MSRA: variants seen among roughly 807,000 people sequenced by gnomAD.
MSRA encodes the protein mitochondrial peptide methionine sulfoxide reductase.
In MSRA, 54 loss-of-function variants were observed where a neutral mutation model predicts 31.3. That is an observed-to-expected ratio of 1.73 (90% CI 1.39 to 2.17). The LOEUF (loss-of-function observed/expected upper bound fraction) is 2.17. Among genes scored for constraint, MSRA ranks in the 30% most tolerant of loss-of-function variants. MSRA has a pLI of 0.00. For synonymous variants in MSRA, 169 were observed against 116.5 expected (o/e 1.45, Z -2.90); for missense variants, 507 against 300.9 (o/e 1.69, Z -5.07).
intron 1 of MSRA, among the ~76,000 whole-genome samples, chr8:10,172,689 C>T (rs1466964439): frequency 6.6e-6 from 1 of 151,952 alleles, no homozygotes; most frequent in Non-Finnish European, 1.5e-5. Context: ...AATCTAGGGC[C>T]CAAAGTCTCC....
chr8:10,222,270 T>A (rs1585205052), intron 2 of MSRA, among the ~76,000 whole-genome samples: 1 of 152,178 alleles, frequency 6.6e-6, no homozygotes, highest in Non-Finnish European at 1.5e-5. Flanking sequence ...TCAAATGCCA[T>A]ATTTTCATAG....
At chr8:10,349,584 C>T (rs1266332312) in intron 5 of MSRA, among the ~76,000 whole-genome samples, 1 of 152,226 alleles carries the variant, frequency 6.6e-6, no homozygotes, top group East Asian at 1.9e-4. Context: ...CTCTGTTCCC[C>T]TCTGGGAGCC....
chr8:10,276,184 C>G (rs908373682), intron 3 of MSRA, among the ~76,000 whole-genome samples: 1 of 152,226 alleles, frequency 6.6e-6, no homozygotes, highest in African/African-American at 2.4e-5. Flanking sequence ...TTACCTTTCT[C>G]TAATCAGCAG....
intron 1 of MSRA, among the ~76,000 whole-genome samples, chr8:10,066,972 C>T (rs903200629): frequency 1.3e-5 from 2 of 151,484 alleles, no homozygotes; most frequent in African/African-American, 2.4e-5. Flanking sequence ...CCCCTGTTAA[C>T]GTCTTGCTTT....
chr8:10,373,532 C>T (rs1451649172), intron 5 of MSRA, among the ~76,000 whole-genome samples: 2 of 152,244 alleles, frequency 1.3e-5, no homozygotes, highest in East Asian at 1.9e-4. Flanking sequence ...CTACCTTGCC[C>T]AGCTACTGAC....
chr8:10,054,726 C>A (rs904848505), intron 1 of MSRA, 68 bp downstream of exon 1: 2 of 1,385,714 alleles, frequency 1.4e-6, no homozygotes, highest in Non-Finnish European at 1.9e-6. Context: ...CCGGCGGCAG[C>A]GCGCCCGCTG....
intron 1 of MSRA, among the ~76,000 whole-genome samples, chr8:10,198,877 G>T (rs1170033570): frequency 6.6e-6 from 1 of 152,144 alleles, no homozygotes; most frequent in East Asian, 1.9e-4. Flanking sequence ...TTGTCAGACT[G>T]CTTTCCAATT....
intron 5 of MSRA, among the ~76,000 whole-genome samples, chr8:10,323,744 A>ATG (rs1182686226): frequency 1.3e-4 from 5 of 38,958 alleles, no homozygotes; most frequent in Admixed American, 1.1e-3. Context: ...GGAATTAAAT[A>ATG]CGTGTGTGTG....
At chr8:10,420,622 C>T (rs1030294816) in intron 5 of MSRA, among the ~76,000 whole-genome samples, 2 of 152,064 alleles carry the variant, frequency 1.3e-5, no homozygotes, top group African/African-American at 4.8e-5. Flanking sequence ...GAGTTACTAA[C>T]CCAGCCAGGT....
chr8:10,153,197 G>A lies in MSRA; in HGVS notation c.143-54636G>A, dbSNP rs534179871. On this transcript the variant is annotated intron_variant, in intron 1 of 5. Transcript: ENST00000317173. Reference sequence around the variant, plus strand: ...CAATTACAAAAGTGGAATGAGTGAAGCTTATTAAGGATAGACAGCAGATGG... The same window carrying A: ...CAATTACAAAAGTGGAATGAGTGAAACTTATTAAGGATAGACAGCAGATGG... Among the ~76,000 whole-genome samples, 208 of 152,310 alleles carry A rather than the reference G, an allele frequency of 1.4e-3. 1 individual carries two copies. The highest frequency in any genetic ancestry group is 2.7e-3 in the Non-Finnish European group (183 of 68,032).
intron 5 of MSRA, among the ~76,000 whole-genome samples, chr8:10,414,106 G>A (rs935960082): frequency 6.6e-6 from 1 of 152,158 alleles, no homozygotes; most frequent in African/African-American, 2.4e-5. Context: ...GTTTGAGGCT[G>A]CAGTGAGCCG....
intron 3 of MSRA, among the ~76,000 whole-genome samples, chr8:10,281,484 G>A (rs1799620543): frequency 6.6e-6 from 1 of 152,314 alleles, no homozygotes; most frequent in East Asian, 1.9e-4. Context: ...CAATGCGGCG[G>A]TGCTTACTAA....
intron 1 of MSRA, among the ~76,000 whole-genome samples, chr8:10,202,493 A>G (rs1408787386): frequency 2.0e-5 from 3 of 152,218 alleles, no homozygotes; most frequent in Non-Finnish European, 4.4e-5. Context: ...TGTTTTATCC[A>G]TTTAAACCAG....
intron 3 of MSRA, chr8:10,250,778 C>A: frequency 3.1e-6 from 1 of 323,424 alleles, no homozygotes; most frequent in Non-Finnish European, 5.6e-6. Flanking sequence ...GAGCCCGTTT[C>A]CTCTCTTGTA....
intron 3 of MSRA, among the ~76,000 whole-genome samples, chr8:10,288,597 G>C (rs1800062849): frequency 6.6e-6 from 1 of 152,160 alleles, no homozygotes; most frequent in African/African-American, 2.4e-5. Flanking sequence ...TAGGAGGCAA[G>C]GCCAAGACTT....
chr8:10,147,605 G>C (rs1348467824), intron 1 of MSRA, among the ~76,000 whole-genome samples: 1 of 152,194 alleles, frequency 6.6e-6, no homozygotes, highest in African/African-American at 2.4e-5. Context: ...AGAACAGGAG[G>C]CAGGGGCCAT....
chr8:10,199,429 C>T (rs552939755), intron 1 of MSRA, among the ~76,000 whole-genome samples: 2 of 152,322 alleles, frequency 1.3e-5, no homozygotes, highest in Admixed American at 6.5e-5. Context: ...AAGTGATTCT[C>T]CTGCCTCAGC....
At chr8:10,328,798 A>T (rs924079684) in intron 5 of MSRA, among the ~76,000 whole-genome samples, 1 of 152,190 alleles carries the variant, frequency 6.6e-6, no homozygotes, top group Non-Finnish European at 1.5e-5. Context: ...GGGACTCACT[A>T]TGAGAACCAC....
chr8:10,066,963 C>T (rs1325156688), intron 1 of MSRA, among the ~76,000 whole-genome samples: 3 of 151,892 alleles, frequency 2.0e-5, no homozygotes, highest in Non-Finnish European at 4.4e-5. Context: ...CCTGAGTTTC[C>T]CCTGTTAACG....
Sources: allele counts gnomAD v4.1 joint callset (sites outside exome capture counted in the v4.1 genomes callset), GRCh38; gene constraint gnomAD v4.1.1; transcripts MANE v1.5; gene names NCBI Gene and HGNC (gene_info 2026-07-23, HGNC 2026-07-21).